FAM117B: variants seen among roughly 807,000 people sequenced by gnomAD.
FAM117B encodes the protein protein FAM117B.
FAM117B carries 22 observed loss-of-function variants against 52.8 expected under a neutral mutation model. The ratio of observed to expected loss-of-function variants is 0.42; its 90% CI spans 0.30 to 0.59. FAM117B has a LOEUF of 0.59. FAM117B is among the 20% of genes least tolerant of loss of function. The probability of loss-of-function intolerance (pLI) is 0.22; values close to 1 mark genes in which losing one functional copy is unlikely to be tolerated. For synonymous variants in FAM117B, 309 were observed against 324.1 expected (o/e 0.95, Z 0.50); for missense variants, 678 against 802.6 (o/e 0.84, Z 1.88).
rs1690507661 is a variant in FAM117B, at chr2:202,684,457, T to TCAAG, written c.602-11420_602-11417dup. Among the ~76,000 whole-genome samples, 4 of 152,122 alleles carry TCAAG rather than the reference T, an allele frequency of 2.6e-5. No homozygotes were observed. The South Asian group carries it at 8.3e-4, about 32-fold the overall frequency. ...TCCAATATATACATTCCCAATTGAG[T>TCAAG]CAAGCAACGTTCTCTCCCTTTTTCT... On this transcript the variant is annotated intron_variant, in intron 1 of 7. Transcript: ENST00000392238.
chr2:202,768,777 A>G lies in FAM117B; in HGVS notation c.*3013A>G, dbSNP rs909491019. On this transcript the variant is annotated 3_prime_UTR_variant, in exon 8 of 8. Transcript: ENST00000392238. ...TAGCTTCAATGGGAATATAATTTAAATTTTTTTAATTTTATAAAAATTTAT... is the reference window on the plus strand; with the variant it reads ...TAGCTTCAATGGGAATATAATTTAAGTTTTTTTAATTTTATAAAAATTTAT... 8 of 152,258 alleles carry G rather than the reference A, an allele frequency of 5.3e-5. No individual in the cohort carries two copies. The highest frequency in any genetic ancestry group is 1.9e-4 in the African/African-American group (8 of 41,444). 9.4% of individuals were successfully genotyped at this position (152,258 alleles called of 1,614,324 possible). A position where few individuals can be genotyped will look rare whatever the true frequency, so the allele number is the denominator to read the frequency against.
At chr2:202,677,710 T>C (rs1690400374) in intron 1 of FAM117B, among the ~76,000 whole-genome samples, 1 of 152,202 alleles carries the variant, frequency 6.6e-6, no homozygotes, top group African/African-American at 2.4e-5. Flanking sequence ...GATAGTAGAA[T>C]ATAAACTCCT....
At chr2:202,698,145 G>A (rs539710949) in intron 2 of FAM117B, among the ~76,000 whole-genome samples, 31 of 152,306 alleles carry the variant, frequency 2.0e-4, no homozygotes, top group African/African-American at 7.2e-4. Context: ...GATTATAGGC[G>A]TGAGCCAAGG....
chr2:202,706,761 G>A (rs373331797), intron 2 of FAM117B, among the ~76,000 whole-genome samples: 35 of 152,118 alleles, frequency 2.3e-4, no homozygotes, highest in African/African-American at 8.2e-4. Context: ...TAAAACCTTG[G>A]TCTACTGGTT....
At chr2:202,652,337 A>G (rs1689969466) in intron 1 of FAM117B, among the ~76,000 whole-genome samples, 1 of 152,016 alleles carries the variant, frequency 6.6e-6, no homozygotes, top group Admixed American at 6.6e-5. Context: ...ATGGCTTCAG[A>G]CAATCCTCTT....
At position 202,765,838 on chromosome 2, in the gene FAM117B, G is replaced by A; in HGVS notation, c.*74G>A. ...GATCACTGGATTCTGATGGCATCGT[G>A]CGCTTCTGGTCGGCTGTGATGTGCT... On this transcript the variant is annotated 3_prime_UTR_variant, in exon 8 of 8. Coordinates refer to ENST00000392238, the MANE Select transcript of FAM117B (RefSeq NM_173511.4). The A allele has an allele frequency of 6.8e-7, 1 of 1,464,550 alleles. No individual in the cohort carries two copies. Among genetic ancestry groups the A allele is most frequent in the Non-Finnish European group, 9.3e-7 (1 of 1,075,774 alleles). 90.7% of individuals were successfully genotyped at this position (1,464,550 alleles called of 1,614,324 possible).
At position 202,695,933 on chromosome 2, in the gene FAM117B, T is replaced by C. The variant is rs749733382; in HGVS notation, c.654T>C (p.Thr218=). The C allele has an allele frequency of 1.4e-5, 22 of 1,613,974 alleles. No individual in the cohort carries two copies. In the South Asian group the frequency reaches 1.8e-4, roughly 13 times the overall value. Residue 218 remains threonine (T), a synonymous_variant, in exon 2 of 8, where the codon ACT becomes ACC. Coordinates refer to ENST00000392238, the MANE Select transcript of FAM117B (RefSeq NM_173511.4). ...GCCCCTCCAGTATTATCCGACGCACTTCCTCCCTGGATACTCTTGCTGCAC... is the reference window on the plus strand; with the variant it reads ...GCCCCTCCAGTATTATCCGACGCACCTCCTCCCTGGATACTCTTGCTGCAC... ...SSSPSSIIRR[T]SSLDTLAAPY... is the part of the protein sequence containing the mutation.
At chr2:202,727,287 G>A (rs1382769417) in intron 4 of FAM117B, among the ~76,000 whole-genome samples, 1 of 152,104 alleles carries the variant, frequency 6.6e-6, no homozygotes, top group Non-Finnish European at 1.5e-5. Flanking sequence ...TACTGGAGTT[G>A]GCAAACTGTG....
At position 202,719,531 on chromosome 2, in the gene FAM117B, AT is replaced by A. The variant is rs1466466016; in HGVS notation, c.754-5383del. 2.0e-5 allele frequency among the ~76,000 whole-genome samples: 3 copies of A among 152,158 alleles called. No homozygotes were observed. In the East Asian group the frequency reaches 5.8e-4, roughly 29 times the overall value. On this transcript the variant is annotated intron_variant, in intron 2 of 7. Coordinates refer to ENST00000392238, the MANE Select transcript of FAM117B (RefSeq NM_173511.4). ...TGTCTGTATGTACAATTATGTTATA[AT>A]TTGCTAATCGTTAGTAAGTTGCAGA...
rs1691992857 is a variant in FAM117B at position 202,767,095 on chromosome 2, G to A, written c.*1331G>A. On this transcript the variant is annotated 3_prime_UTR_variant, in exon 8 of 8. Coordinates refer to ENST00000392238, the MANE Select transcript of FAM117B (RefSeq NM_173511.4). ...AGGGCTCATCCTAATATAAATCACT[G>A]CCAGTATCACATGACATCAGTATGT... 1.3e-5 allele frequency: 2 copies of A among 151,672 alleles called. No individual in the cohort carries two copies. Among genetic ancestry groups the A allele is most frequent in the Admixed American group, 1.3e-4 (2 of 15,220 alleles). The allele number at this position is 151,672 out of a possible 1,614,324, so 9.4% of individuals were successfully genotyped here. A position where few individuals can be genotyped will look rare whatever the true frequency, so the allele number is the denominator to read the frequency against.
At position 202,694,188 on chromosome 2, in the gene FAM117B, C is replaced by CTTT. The variant is rs757843381; in HGVS notation, c.602-1674_602-1672dup. On this transcript the variant is annotated intron_variant, in intron 1 of 7. Transcript: ENST00000392238. Reference sequence around the variant, plus strand: ...GAAGATGTTATTGCAAAACCCACTTCTTTTTTTTTTTTTTTTTTTTTGAGA... The same window carrying CTTT: ...GAAGATGTTATTGCAAAACCCACTTCTTTTTTTTTTTTTTTTTTTTTTTTGAGA... Among the ~76,000 whole-genome samples the CTTT allele has an allele frequency of 3.3e-3, 325 of 98,998 alleles. 10 individuals are homozygous for CTTT. Among genetic ancestry groups the CTTT allele is most frequent in the African/African-American group, 4.9e-3 (112 of 22,856 alleles). 64.9% of individuals were successfully genotyped at this position (98,998 alleles called of 152,430 possible).
At chr2:202,745,744 G>T (rs1042960097) in intron 4 of FAM117B, among the ~76,000 whole-genome samples, 2 of 152,166 alleles carry the variant, frequency 1.3e-5, no homozygotes, top group Non-Finnish European at 2.9e-5. Flanking sequence ...TTAAAGTGAA[G>T]GGATGGAAAA....
At chr2:202,672,089 T>A (rs1690308077) in intron 1 of FAM117B, among the ~76,000 whole-genome samples, 1 of 152,190 alleles carries the variant, frequency 6.6e-6, no homozygotes, top group African/African-American at 2.4e-5. Context: ...TTGTAAGAAA[T>A]TGACCCATTT....
intron 1 of FAM117B, among the ~76,000 whole-genome samples, chr2:202,666,393 C>T (rs562436798): frequency 2.6e-5 from 4 of 151,694 alleles, no homozygotes; most frequent in Admixed American, 6.6e-5. Flanking sequence ...TGGTGTTACA[C>T]GTTCACAAAC....
At chr2:202,682,911 T>C (rs1574554222) in intron 1 of FAM117B, among the ~76,000 whole-genome samples, 1 of 152,132 alleles carries the variant, frequency 6.6e-6, no homozygotes, top group East Asian at 1.9e-4. Context: ...TTATAAATGA[T>C]TATAGTAGGA....
chr2:202,746,246 C>T (rs1236729747), intron 4 of FAM117B, among the ~76,000 whole-genome samples: 1 of 152,080 alleles, frequency 6.6e-6, no homozygotes, highest in African/African-American at 2.4e-5. Context: ...TATCAAGTAT[C>T]TTCTCATACC....
intron 1 of FAM117B, among the ~76,000 whole-genome samples, chr2:202,640,792 G>C (rs759079598): frequency 3.9e-5 from 6 of 152,070 alleles, no homozygotes; most frequent in Non-Finnish European, 7.4e-5. Flanking sequence ...TGTATTTTGG[G>C]TAGAGACTGG....
chr2:202,764,155 C>T (rs2105802287), intron 7 of FAM117B, among the ~76,000 whole-genome samples: 1 of 152,338 alleles, frequency 6.6e-6, no homozygotes, highest in African/African-American at 2.4e-5. Context: ...GTCCCCATCA[C>T]TCCTCACCCC....
intron 4 of FAM117B, among the ~76,000 whole-genome samples, chr2:202,727,765 ACTGT>A (rs1420859050): frequency 6.6e-6 from 1 of 152,050 alleles, no homozygotes; most frequent in African/African-American, 2.4e-5. Flanking sequence ...TGAAACAGAG[ACTGT>A]CTGGTTCACG....
Sources: gnomAD v4.1 joint callset for allele counts (sites outside exome capture counted in the v4.1 genomes callset) on GRCh38, gnomAD v4.1.1 for gene constraint, MANE v1.5 for transcripts, NCBI Gene and HGNC (gene_info 2026-07-23, HGNC 2026-07-21) for gene names.